The following KLHL28 variants were observed in gnomAD, a reference collection of about 807,000 sequenced individuals.
KLHL28 encodes the protein kelch like family member 28, also known as kelch-like protein 28.
A neutral mutation model predicts 48.3 loss-of-function variants in KLHL28; 22 were observed. The observed-to-expected ratio is 0.46, with a 90% CI of 0.33 to 0.65. The LOEUF (loss-of-function observed/expected upper bound fraction) is 0.65. KLHL28 is among the 30% of genes least tolerant of loss of function. The pLI, the probability that KLHL28 is intolerant of heterozygous loss-of-function variation, is 0.03. For synonymous variants in KLHL28, 243 were observed against 242.4 expected, an observed-to-expected ratio of 1.00 and a Z score of -0.02; for missense variants, 527 against 704.3, an observed-to-expected ratio of 0.75 and a Z score of 2.85.
chr14:44,954,491 C>T (rs540716210), intron 1 of KLHL28, among the ~76,000 whole-genome samples: 57 of 152,144 alleles, frequency 3.7e-4, no homozygotes, highest in Non-Finnish European at 6.6e-4. Flanking sequence ...AGCATCCACA[C>T]AATGCAGTAC....
intron 1 of KLHL28, chr14:44,961,535 C>A (rs1400814952): frequency 1.3e-5 from 2 of 151,390 alleles, no homozygotes; most frequent in East Asian, 3.9e-4. Context: ...TAAGAGAAGT[C>A]GACAAAAGGA....
intron 3 of KLHL28, among the ~76,000 whole-genome samples, chr14:44,932,136 C>T (rs1468768587): frequency 6.7e-6 from 1 of 150,230 alleles, no homozygotes; most frequent in Non-Finnish European, 1.5e-5. Flanking sequence ...GATCTTTCTG[C>T]CTCAGCCTCC....
chr14:44,940,119 G>A (rs1433277696), intron 2 of KLHL28, among the ~76,000 whole-genome samples: 1 of 152,190 alleles, frequency 6.6e-6, no homozygotes, highest in African/African-American at 2.4e-5. Context: ...GTATGTATGT[G>A]AGACAAAGAG....
rs1883424944 is a variant in KLHL28 at position 44,927,795 on chromosome 14, C to T, written c.*1233G>A. ...AATGTACAAAGTAATGCATAACTGC[C>T]TAGTGCTTTATATTTAATGCATATA... On this transcript the variant is annotated 3_prime_UTR_variant, in exon 5 of 5. Transcript: ENST00000396128. The T allele has an allele frequency of 6.6e-6, 1 of 152,554 alleles. No homozygotes were observed. The highest frequency in any genetic ancestry group is 6.5e-5 in the Admixed American group (1 of 15,270). The allele number at this position is 152,554 out of a possible 1,614,324, so 9.5% of individuals were successfully genotyped here.
chr14:44,944,971 C>A (rs1266751506), intron 2 of KLHL28, 59 bp downstream of exon 2: 8 of 1,165,198 alleles, frequency 6.9e-6, no homozygotes, highest in South Asian at 5.9e-5. Flanking sequence ...AGAAAATCTG[C>A]ACATTTAAAA....
chr14:44,928,332 G>A lies in KLHL28; in HGVS notation c.*696C>T, dbSNP rs1029214997. 3 of 152,032 alleles carry A rather than the reference G, an allele frequency of 2.0e-5. No homozygotes were observed. The highest frequency in any genetic ancestry group is 4.8e-5 in the African/African-American group (2 of 41,444). The allele number at this position is 152,032 out of a possible 1,614,324, so 9.4% of individuals were successfully genotyped here. A position where few individuals can be genotyped will look rare whatever the true frequency, so the allele number is the denominator to read the frequency against. On this transcript the variant is annotated 3_prime_UTR_variant, in exon 5 of 5. Transcript: ENST00000396128. ...AGATAGGTAATTAAATTCATCCAAC[G>A]TTAACCTGCCCATATACAAAAGGCA...
intron 4 of KLHL28, 141 bp downstream of exon 4, chr14:44,931,192 G>T: frequency 1.8e-6 from 1 of 569,162 alleles, no homozygotes; most frequent in Non-Finnish European, 3.0e-6. Context: ...TGTCTTTCAA[G>T]TTTACCACAT....
In KLHL28 at chr14:44,960,572, A is replaced by G. The variant is rs541045943; in HGVS notation, c.-1+1274T>C. ...CTTTAACCTGTCCCTAAAATGAAAC[A>G]TGCTAGCTAAACCTAATTTAGGCAG... On this transcript the variant is annotated intron_variant, in intron 1 of 4. Transcript: ENST00000396128. Among the ~76,000 whole-genome samples the G allele has an allele frequency of 2.6e-5, 4 of 152,278 alleles. No individual in the cohort carries two copies. In the East Asian group the frequency reaches 7.7e-4, roughly 29 times the overall value.
chr14:44,950,262 C>T (rs1884519917), intron 1 of KLHL28, among the ~76,000 whole-genome samples: 1 of 152,060 alleles, frequency 6.6e-6, no homozygotes, highest in African/African-American at 2.4e-5. Context: ...GAGAAGTAGT[C>T]AACTTTCTAT....
rs1168220850 is a variant in KLHL28, at chr14:44,926,291, A to G, written c.*2737T>C. 6.6e-6 allele frequency: 1 copy of G among 152,164 alleles called. No homozygotes were observed. The highest frequency in any genetic ancestry group is 1.5e-5 in the Non-Finnish European group (1 of 68,032). 9.4% of individuals were successfully genotyped at this position (152,164 alleles called of 1,614,324 possible). A position where few individuals can be genotyped will look rare whatever the true frequency, so the allele number is the denominator to read the frequency against. ...TCCTCTTCCTTTCACAGATTTTCAT[A>G]ATTTGTTCACTGGTGTATGGCTCCT... On this transcript the variant is annotated 3_prime_UTR_variant, in exon 5 of 5. Transcript: ENST00000396128.
chr14:44,930,762 G>C (rs1009899254), intron 4 of KLHL28, among the ~76,000 whole-genome samples: 1 of 152,156 alleles, frequency 6.6e-6, no homozygotes, highest in African/African-American at 2.4e-5. Context: ...TGTATGAGGA[G>C]TGCTCCCTAA....
At chr14:44,941,531 G>C (rs1406520329) in intron 2 of KLHL28, among the ~76,000 whole-genome samples, 3 of 151,644 alleles carry the variant, frequency 2.0e-5, no homozygotes, top group East Asian at 1.9e-4. Context: ...GGGAGGCTGA[G>C]GCAAGAGAAT....
At chr14:44,950,757 G>C (rs1884546080) in intron 1 of KLHL28, among the ~76,000 whole-genome samples, 1 of 152,188 alleles carries the variant, frequency 6.6e-6, no homozygotes, top group Admixed American at 6.5e-5. Flanking sequence ...GCCTTTCTAT[G>C]TGCTGGTACA....
At position 44,945,482 on chromosome 14, in the gene KLHL28, G is replaced by A. The variant is rs781370816; in HGVS notation, c.447C>T (p.Cys149=). The A allele has an allele frequency of 3.7e-6, 6 of 1,614,042 alleles. No homozygotes were observed. Among genetic ancestry groups the A allele is most frequent in the South Asian group, 3.3e-5 (3 of 91,088 alleles). Residue 149 remains cysteine (C), a synonymous_variant, in exon 2 of 5, where the codon TGC becomes TGT. Coordinates refer to ENST00000396128, the MANE Select transcript of KLHL28 (RefSeq NM_017658.5). ...GISRFAETYG[C]RDLYLAATKY... ...TAGTGGCTGCCAAATAAAGGTCACG[G>A]CAACCATATGTTTCTGCAAAACGAG...
intron 1 of KLHL28, among the ~76,000 whole-genome samples, chr14:44,957,042 T>G (rs1252611598): frequency 2.0e-5 from 3 of 152,172 alleles, no homozygotes; most frequent in Admixed American, 6.5e-5. Flanking sequence ...CAGGCTGGTC[T>G]TGAACTTTTG....
chr14:44,934,551 T>C lies in KLHL28; in HGVS notation c.907A>G (p.Met303Val). 6.4e-7 allele frequency: 1 copy of C among 1,563,468 alleles called. No individual in the cohort carries two copies. Among genetic ancestry groups the C allele is most frequent in the Non-Finnish European group, 8.6e-7 (1 of 1,158,898 alleles). The change falls in exon 3 of 5, where the codon ATG becomes GTG. Residue 303 changes from methionine (M) to valine (V), a missense_variant. By Grantham distance (21) the Met-to-Val change is conservative (BLOSUM62 1). Coordinates refer to ENST00000396128, the MANE Select transcript of KLHL28 (RefSeq NM_017658.5). The part of the protein sequence containing the change: ...GLFACLDSVE[M>V]YFPQNDSWIG... ...CAAGAGTCATTCTGAGGAAAGTACATCTCCACACTAAAGAATAAGCAGAAA... is the reference window on the plus strand; with the variant it reads ...CAAGAGTCATTCTGAGGAAAGTACACCTCCACACTAAAGAATAAGCAGAAA...
Position 44,925,470 on chromosome 14 carries a change from C to A in KLHL28, c.*3558G>T, listed in dbSNP as rs1035147008. 6.6e-6 allele frequency: 1 copy of A among 151,980 alleles called. No individual in the cohort carries two copies. Among genetic ancestry groups the A allele is most frequent in the African/African-American group, 2.4e-5 (1 of 41,394 alleles). The allele number at this position is 151,980 out of a possible 1,614,324, so 9.4% of individuals were successfully genotyped here. On this transcript the variant is annotated 3_prime_UTR_variant, in exon 5 of 5. Coordinates refer to ENST00000396128, the MANE Select transcript of KLHL28 (RefSeq NM_017658.5). ...TTCATGCCAATAAAACCTAATTGGACACTAAGGAATTGCTTATGCATAAAC... is the reference window on the plus strand; with the variant it reads ...TTCATGCCAATAAAACCTAATTGGAAACTAAGGAATTGCTTATGCATAAAC...
chr14:44,938,918 C>T (rs534698995), intron 2 of KLHL28, among the ~76,000 whole-genome samples: 12 of 152,342 alleles, frequency 7.9e-5, no homozygotes, highest in Admixed American at 3.3e-4. Context: ...CATGACTCCC[C>T]TAGCCATTGC....
intron 2 of KLHL28, among the ~76,000 whole-genome samples, chr14:44,934,817 G>C (rs1046971847): frequency 2.6e-5 from 4 of 152,132 alleles, no homozygotes; most frequent in African/African-American, 9.7e-5. Context: ...ATCTAAAAAA[G>C]TTGAAGATAC....
Sources: gnomAD v4.1 joint callset for allele counts (sites outside exome capture counted in the v4.1 genomes callset) on GRCh38, gnomAD v4.1.1 for gene constraint, MANE v1.5 for transcripts, NCBI Gene and HGNC (gene_info 2026-07-23, HGNC 2026-07-21) for gene names.